The following CR1 variants were observed in gnomAD, a reference collection of about 807,000 sequenced individuals.
CR1 encodes the protein complement C3b/C4b receptor 1 (Knops blood group).
In CR1, 116 loss-of-function variants were observed where a neutral mutation model predicts 187.3. The observed-to-expected ratio is 0.62, with a 90% CI of 0.53 to 0.72. The LOEUF is 0.72. Ranked by LOEUF, CR1 falls within the 30% of genes least tolerant of loss-of-function variation. The pLI is 0.00. For synonymous variants in CR1, 576 were observed against 747.1 expected, an observed-to-expected ratio of 0.77 and a Z score of 3.73; for missense variants, 1,731 against 2,110.7, an observed-to-expected ratio of 0.82 and a Z score of 3.52.
Position 207,609,452 on chromosome 1 carries a change from G to A in CR1, c.6059G>A (p.Ser2020Asn). The change falls in exon 37 of 47, where the codon AGC (serine) becomes AAC (asparagine). Residue 2020 changes from serine (S) to asparagine (N), a missense_variant. By Grantham distance (46) the Ser-to-Asn change is conservative. Coordinates refer to ENST00000367049, the MANE Select transcript of CR1 (RefSeq NM_000651.6). The part of the protein sequence containing the change: ...LVGERSIYCT[S>N]KDDQVGVWSS... Reference sequence around the variant, plus strand: ...GGAGAACGGTCAATATATTGCACCAGCAAAGATGATCAAGTTGGTGTTTGG... The same window carrying A: ...GGAGAACGGTCAATATATTGCACCAACAAAGATGATCAAGTTGGTGTTTGG... 1 of 1,614,030 alleles carries A rather than the reference G, an allele frequency of 6.2e-7. No individual in the cohort carries two copies. Among genetic ancestry groups the A allele is most frequent in the East Asian group, 2.2e-5 (1 of 44,882 alleles).
In CR1 at chr1:207,611,776, G is replaced by C. The variant is rs1661937194; in HGVS notation, c.6395G>C (p.Ser2132Thr). The change falls in exon 38 of 47, where the codon AGC (serine) becomes ACC (threonine). Residue 2132 changes from serine to threonine, a missense_variant. Ser to Thr is a moderately conservative substitution (Grantham distance 58, BLOSUM62 1). This residue lies in a region of CR1 where 1,312 missense variants were observed against 1,379.6 expected (regional missense o/e 0.95). Coordinates refer to ENST00000367049, the MANE Select transcript of CR1 (RefSeq NM_000651.6). Reference sequence around the variant, plus strand: ...GAAGTGTTCTACAGCTGTGAGCCCAGCTATGACCTCAGAGGGGCTGCGTCT... The same window carrying C: ...GAAGTGTTCTACAGCTGTGAGCCCACCTATGACCTCAGAGGGGCTGCGTCT... ...GQEVFYSCEP[S>T]YDLRGAASLH... The C allele has an allele frequency of 1.2e-6, 2 of 1,613,986 alleles. No homozygotes were observed. Among genetic ancestry groups the C allele is most frequent in the Non-Finnish European group, 1.7e-6 (2 of 1,179,898 alleles).
At chr1:207,630,690 G>T in intron 46 of CR1, 69 bp downstream of exon 46, 1 of 1,109,914 alleles carries the variant, frequency 9.0e-7, no homozygotes, top group South Asian at 1.6e-5. Flanking sequence ...AACAGGACTT[G>T]AATATGATAT....
At position 207,639,676 on chromosome 1, in the gene CR1, G is replaced by A. The variant is rs187763285; in HGVS notation, c.*267G>A. 2.4e-3 allele frequency: 839 copies of A among 355,000 alleles called. 2 individuals carry two copies. Among genetic ancestry groups the A allele is most frequent in the Non-Finnish European group, 3.7e-3 (732 of 196,636 alleles). 22.0% of individuals were successfully genotyped at this position (355,000 alleles called of 1,614,324 possible). A position where few individuals can be genotyped will look rare whatever the true frequency, so the allele number is the denominator to read the frequency against. On this transcript the variant is annotated 3_prime_UTR_variant, in exon 47 of 47. Coordinates refer to ENST00000367049, the MANE Select transcript of CR1 (RefSeq NM_000651.6). ...TCAGGGGAAAAGACTGCATTTAGGA[G>A]ATAGAAAATAGTTTGGATTACTTAA...
chr1:207,593,594 C>A (rs1019017613), intron 35 of CR1, among the ~76,000 whole-genome samples: 4 of 152,102 alleles, frequency 2.6e-5, no homozygotes, highest in African/African-American at 9.7e-5. Flanking sequence ...GTAACAAAAA[C>A]CAAAATTGAC....
chr1:207,623,638 A>G (rs940071640), intron 45 of CR1, among the ~76,000 whole-genome samples: 1 of 147,486 alleles, frequency 6.8e-6, no homozygotes, highest in African/African-American at 2.5e-5. Flanking sequence ...ACACACACAC[A>G]GCATTTTAAG....
At position 207,523,631 on chromosome 1, in the gene CR1, C is replaced by G; in HGVS notation, c.508C>G (p.Pro170Ala). 2 of 1,613,934 alleles carry G rather than the reference C, an allele frequency of 1.2e-6. No individual in the cohort carries two copies. Among genetic ancestry groups the G allele is most frequent in the Non-Finnish European group, 1.7e-6 (2 of 1,179,894 alleles). Residue 170 changes from proline to alanine, a missense_variant, in exon 5 of 47, where the codon CCC (proline) becomes GCC (alanine). Pro to Ala is a conservative substitution (Grantham distance 27). Transcript: ENST00000367049. ...TCCAGGAATTCCTTGTGGGCTACCC[C>G]CCACCATCACCAATGGAGATTTCAT... ...ICDRIPCGLPPTITNGDFIST... is the reference protein window; with the variant it reads ...ICDRIPCGLPATITNGDFIST...
intron 24 of CR1, among the ~76,000 whole-genome samples, chr1:207,566,693 G>A (rs1334176287): frequency 1.3e-5 from 2 of 149,928 alleles, no homozygotes; most frequent in African/African-American, 5.1e-5. Flanking sequence ...TAAATAATAA[G>A]TCATTTTTTT....
intron 3 of CR1, among the ~76,000 whole-genome samples, chr1:207,508,423 T>C (rs1319869134): frequency 6.6e-6 from 1 of 152,236 alleles, no homozygotes; most frequent in African/African-American, 2.4e-5. Flanking sequence ...TCTCTGTATC[T>C]TCTGTTCATT....
chr1:207,496,575 C>G (rs991512712), intron 1 of CR1, among the ~76,000 whole-genome samples, 187 bp downstream of exon 1: 37 of 152,350 alleles, frequency 2.4e-4, no homozygotes, highest in African/African-American at 8.9e-4. Context: ...ACTGGAGACC[C>G]TCGCTGCTTC....
Position 207,612,057 on chromosome 1 carries a change from C to T in CR1, c.6575+16C>T, listed in dbSNP as rs1157544683. 6 of 1,610,204 alleles carry T rather than the reference C, an allele frequency of 3.7e-6. No homozygotes were observed. The highest frequency in any genetic ancestry group is 4.2e-6 in the Non-Finnish European group (5 of 1,176,610). ...GCGATGAAGGGTGAGTGTGACCCAG[C>T]GTTGAGACCAAGGACTCAGTGTGGA... On this transcript the variant is annotated intron_variant, in intron 39 of 46. Transcript: ENST00000367049.
At chr1:207,622,559 G>A (rs568793868) in intron 44 of CR1, among the ~76,000 whole-genome samples, 67 of 152,210 alleles carry the variant, frequency 4.4e-4, no homozygotes, top group Admixed American at 3.2e-3. Flanking sequence ...GGGTAGCCTG[G>A]GTCTACTTAT....
chr1:207,507,106 C>T (rs1169794813), intron 3 of CR1: 2 of 286,104 alleles, frequency 7.0e-6, no homozygotes, highest in Non-Finnish European at 1.3e-5. Flanking sequence ...CACAAACAGC[C>T]TTAACGCAGA....
intron 46 of CR1, among the ~76,000 whole-genome samples, chr1:207,637,454 T>C (rs201312352): frequency 3.3e-5 from 5 of 151,958 alleles, no homozygotes; most frequent in African/African-American, 7.2e-5. Flanking sequence ...GGTTTCCCTT[T>C]AGGTCTAAAT....
At chr1:207,579,568 C>T (rs1558243963) in intron 29 of CR1, among the ~76,000 whole-genome samples, 2 of 152,216 alleles carry the variant, frequency 1.3e-5, no homozygotes, top group South Asian at 4.1e-4. Flanking sequence ...TTACAAATGC[C>T]ATGGCAACGA....
intron 4 of CR1, among the ~76,000 whole-genome samples, chr1:207,519,073 CTT>C (rs1659890163): frequency 6.6e-6 from 1 of 152,156 alleles, no homozygotes; most frequent in South Asian, 2.1e-4. Context: ...AAATGTCTCT[CTT>C]TACCTCTCAT....
chr1:207,578,753 T>C (rs1398532293), intron 29 of CR1, among the ~76,000 whole-genome samples: 3 of 152,254 alleles, frequency 2.0e-5, no homozygotes, highest in Non-Finnish European at 4.4e-5. Flanking sequence ...CAGTATCCAT[T>C]GCTGAAAGAA....
chr1:207,630,480 T>C (rs1361008974), intron 45 of CR1, 37 bp from the exon 46 acceptor site: 1 of 1,333,932 alleles, frequency 7.5e-7, no homozygotes. Flanking sequence ...ACTTAAATGA[T>C]TAAGACAGTT....
In CR1 at chr1:207,506,315, T is replaced by C. The variant is rs56010952; in HGVS notation, c.301+232T>C. 2.6e-5 allele frequency among the ~76,000 whole-genome samples: 4 copies of C among 152,308 alleles called. No homozygotes were observed. The South Asian group carries it at 8.3e-4, about 32-fold the overall frequency. The stretch of plus-strand genomic sequence containing the variant: ...ATTGCAGGACATGATTGAGGGAAAA[T>C]CCCCATTCACTGGGGGTCTCCCATT... On this transcript the variant is annotated intron_variant, in intron 2 of 46. Transcript: ENST00000367049.
chr1:207,588,641 T>C lies in CR1; in HGVS notation c.5711-34T>C, dbSNP rs1356663937. 2 of 1,447,008 alleles carry C rather than the reference T, an allele frequency of 1.4e-6. 1 individual carries two copies. The highest frequency in any genetic ancestry group is 2.3e-5 in the South Asian group (2 of 85,890). 89.6% of individuals were successfully genotyped at this position (1,447,008 alleles called of 1,614,324 possible). On this transcript the variant is annotated intron_variant, in intron 34 of 46. Transcript: ENST00000367049. ...AACCTTACAAAGGTAAGTTGAACTC[T>C]ATATTTAATCCCAAATTCTGCTTCT...
Sources: allele counts gnomAD v4.1 joint callset (sites outside exome capture counted in the v4.1 genomes callset), GRCh38; gene constraint gnomAD v4.1.1; regional missense constraint gnomAD v4.1.1; transcripts MANE v1.5; gene names NCBI Gene and HGNC (gene_info 2026-07-23, HGNC 2026-07-21).